The following FAM83D variants were observed in gnomAD, a reference collection of about 807,000 sequenced individuals.
The protein encoded by FAM83D is scaffolding CK1 anchoring protein D.
A neutral mutation model predicts 25.4 loss-of-function variants in FAM83D; 26 were observed. That is an observed-to-expected ratio of 1.02 (90% CI 0.75 to 1.42). FAM83D has a LOEUF of 1.42. Among genes scored for constraint, FAM83D ranks in the 40% most tolerant of loss-of-function variants. The pLI, the probability that FAM83D is intolerant of heterozygous loss-of-function variation, is 0.00. For missense variants in FAM83D, 740 were observed against 758.1 expected, an observed-to-expected ratio of 0.98 and a Z score of 0.28; for synonymous variants, 310 against 318.5, an observed-to-expected ratio of 0.97 and a Z score of 0.28.
chr20:38,944,159 A>G (rs751027367), intron 2 of FAM83D, among the ~76,000 whole-genome samples: 16 of 152,306 alleles, frequency 1.1e-4, no homozygotes, highest in Non-Finnish European at 1.6e-4. Flanking sequence ...CAGTCAGCAA[A>G]ACGAATTTAG....
chr20:38,941,326 AG>A (rs1446385185), intron 1 of FAM83D, among the ~76,000 whole-genome samples: 2 of 152,224 alleles, frequency 1.3e-5, no homozygotes, highest in Non-Finnish European at 2.9e-5. Flanking sequence ...ATGCAGTGTT[AG>A]GGAGGCAGAA....
At chr20:38,936,403 G>A (rs755569958) in intron 1 of FAM83D, among the ~76,000 whole-genome samples, 15 of 152,066 alleles carry the variant, frequency 9.9e-5, no homozygotes, top group Non-Finnish European at 1.6e-4. Context: ...GGATAGTGAC[G>A]GAATCGGGAC....
chr20:38,938,721 A>G (rs1263437020), intron 1 of FAM83D, among the ~76,000 whole-genome samples: 1 of 152,102 alleles, frequency 6.6e-6, no homozygotes, highest in Non-Finnish European at 1.5e-5. Flanking sequence ...CATGTCGCCC[A>G]CTGCTCGGCT....
At chr20:38,930,064 A>G (rs1459273715) in intron 1 of FAM83D, among the ~76,000 whole-genome samples, 2 of 152,244 alleles carry the variant, frequency 1.3e-5, no homozygotes, top group Non-Finnish European at 2.9e-5. Context: ...TCTGGTGGCT[A>G]GCTAAGAGCT....
intron 3 of FAM83D, among the ~76,000 whole-genome samples, chr20:38,950,644 A>G (rs1350359943): frequency 1.3e-5 from 2 of 152,088 alleles, no homozygotes; most frequent in African/African-American, 4.8e-5. Flanking sequence ...GGCATTAGCA[A>G]TTCATAGGGC....
At chr20:38,946,037 G>A (rs1424461814) in intron 2 of FAM83D, among the ~76,000 whole-genome samples, 6 of 151,706 alleles carry the variant, frequency 4.0e-5, no homozygotes, top group South Asian at 2.1e-4. Flanking sequence ...GCGAAACCCC[G>A]TCTCTACTAA....
Position 38,939,856 on chromosome 20 carries a change from T to C in FAM83D, c.484-2103T>C, listed in dbSNP as rs542569629. Among the ~76,000 whole-genome samples the C allele has an allele frequency of 1.6e-3, 237 of 152,262 alleles. 1 individual carries two copies. Among genetic ancestry groups the C allele is most frequent in the African/African-American group, 5.6e-3 (231 of 41,552 alleles). ...CTTGCCCTCCCTGTGCTAAGCCCTT[T>C]CCATGCTTTGTTTCACTTAATCCTC... is the stretch of plus-strand genomic sequence containing the variant. On this transcript the variant is annotated intron_variant, in intron 1 of 3. Coordinates refer to ENST00000619850, the MANE Select transcript of FAM83D (RefSeq NM_030919.3).
At chr20:38,927,729 C>T (rs2085642587) in intron 1 of FAM83D, among the ~76,000 whole-genome samples, 1 of 151,944 alleles carries the variant, frequency 6.6e-6, no homozygotes, top group Non-Finnish European at 1.5e-5. Flanking sequence ...GAACTCCTGA[C>T]CTCAGGTGAT....
intron 1 of FAM83D, among the ~76,000 whole-genome samples, chr20:38,927,250 C>T (rs2085640007): frequency 6.6e-6 from 1 of 152,174 alleles, no homozygotes. Flanking sequence ...CAGTTAAAAT[C>T]AAACTTGGAA....
At position 38,942,469 on chromosome 20, in the gene FAM83D, C is replaced by T. The variant is rs546512625; in HGVS notation, c.651+343C>T. 4.7e-4 allele frequency among the ~76,000 whole-genome samples: 72 copies of T among 152,294 alleles called. No homozygotes were observed. The Middle Eastern group carries it at 0.014, about 29-fold the overall frequency. On this transcript the variant is annotated intron_variant, in intron 2 of 3. Coordinates refer to ENST00000619850, the MANE Select transcript of FAM83D (RefSeq NM_030919.3). Reference sequence around the variant, plus strand: ...TCTATTCATACAATAGCATACTATTCACCTATAAAAAGGAATGAAGTGCTG... The same window carrying T: ...TCTATTCATACAATAGCATACTATTTACCTATAAAAAGGAATGAAGTGCTG...
intron 1 of FAM83D, among the ~76,000 whole-genome samples, chr20:38,932,076 A>T (rs2085660917): frequency 6.6e-6 from 1 of 152,176 alleles, no homozygotes; most frequent in Non-Finnish European, 1.5e-5. Context: ...ACACTGAATG[A>T]GGTACAGTGT....
chr20:38,950,976 C>T lies in FAM83D; in HGVS notation c.777-563C>T, dbSNP rs150724567. Among the ~76,000 whole-genome samples, 10 of 152,226 alleles carry T rather than the reference C, an allele frequency of 6.6e-5. No individual in the cohort carries two copies. In the East Asian group the frequency reaches 9.7e-4, roughly 15 times the overall value. On this transcript the variant is annotated intron_variant, in intron 3 of 3. Coordinates refer to ENST00000619850, the MANE Select transcript of FAM83D (RefSeq NM_030919.3). ...CTAGGATTACAGTCATGCACCACCA[C>T]GCCTGGCTAATTTTTTATGTGTTTT...
intron 1 of FAM83D, among the ~76,000 whole-genome samples, chr20:38,932,337 G>GA (rs1437776720): frequency 6.6e-6 from 1 of 152,208 alleles, no homozygotes; most frequent in African/African-American, 2.4e-5. Context: ...AGTAAGCTAT[G>GA]ATCATGCCAG....
At position 38,950,117 on chromosome 20, in the gene FAM83D, A is replaced by G. The variant is rs1036607128; in HGVS notation, c.777-1422A>G. On this transcript the variant is annotated intron_variant, in intron 3 of 3. Coordinates refer to ENST00000619850, the MANE Select transcript of FAM83D (RefSeq NM_030919.3). Reference sequence around the variant, plus strand: ...ATGATAGGCATGAGCCACCGTGCCCAGCCAGATCCTGGCTTTCTTATATGG... The same window carrying G: ...ATGATAGGCATGAGCCACCGTGCCCGGCCAGATCCTGGCTTTCTTATATGG... Among the ~76,000 whole-genome samples, 19 of 148,818 alleles carry G rather than the reference A, an allele frequency of 1.3e-4. No individual in the cohort carries two copies. The Admixed American group carries it at 1.3e-3, about 10-fold the overall frequency.
chr20:38,942,413 A>G (rs1369850060), intron 2 of FAM83D, among the ~76,000 whole-genome samples: 2 of 152,266 alleles, frequency 1.3e-5, no homozygotes, highest in Non-Finnish European at 2.9e-5. Context: ...TCCAATGCCA[A>G]TCAACTGATA....
At chr20:38,931,949 T>C (rs1409394100) in intron 1 of FAM83D, among the ~76,000 whole-genome samples, 1 of 152,254 alleles carries the variant, frequency 6.6e-6, no homozygotes, top group Non-Finnish European at 1.5e-5. Flanking sequence ...TGATTCTGTC[T>C]GCCTTTCCAC....
intron 1 of FAM83D, among the ~76,000 whole-genome samples, chr20:38,938,318 C>T (rs2085687131): frequency 6.6e-6 from 1 of 152,224 alleles, no homozygotes; most frequent in Admixed American, 6.5e-5. Flanking sequence ...TTTTTCTGAT[C>T]TCTGTTCCAG....
intron 1 of FAM83D, among the ~76,000 whole-genome samples, chr20:38,935,260 C>G (rs1446278568): frequency 6.6e-6 from 1 of 152,162 alleles, no homozygotes; most frequent in East Asian, 1.9e-4. Context: ...CCCCCTACCC[C>G]CTAACTTCTT....
chr20:38,952,466 C>T lies in FAM83D; in HGVS notation c.1704C>T (p.Ser568=), dbSNP rs2085760754. 4 of 1,614,156 alleles carry T rather than the reference C, an allele frequency of 2.5e-6. No individual in the cohort carries two copies. Among genetic ancestry groups the T allele is most frequent in the Non-Finnish European group, 8.5e-7 (1 of 1,180,038 alleles). ...NHLGLHSGNF[S]RVNLLAVRDV... is the part of the protein sequence containing the mutation. ...TTGGCCTTCATTCTGGCAATTTCAG[C>T]AGAGTTAATTTGCTTGCTGTTAGAG... The change falls in exon 4 of 4, where the codon AGC becomes AGT. Residue 568 remains serine (S), a synonymous_variant. Transcript: ENST00000619850.
Sources: allele counts gnomAD v4.1 joint callset (sites outside exome capture counted in the v4.1 genomes callset), GRCh38; gene constraint gnomAD v4.1.1; transcripts MANE v1.5; gene names NCBI Gene and HGNC (gene_info 2026-07-23, HGNC 2026-07-21).